PAN3: variants seen among roughly 807,000 people sequenced by gnomAD.
The protein encoded by PAN3 is poly(A) specific ribonuclease subunit PAN3, also known as PAN2-PAN3 deadenylation complex subunit PAN3.
PAN3 carries 19 observed loss-of-function variants against 96.2 expected under a neutral mutation model. The observed-to-expected ratio is 0.20, with a 90% CI of 0.14 to 0.29. The LOEUF is 0.29. Among genes scored for constraint, PAN3 ranks in the 10% least tolerant of loss-of-function variants. The probability of loss-of-function intolerance (pLI) is 1.00; values close to 1 mark genes in which losing one functional copy is unlikely to be tolerated. For synonymous variants in PAN3, 433 were observed against 406.6 expected (o/e 1.06, Z -0.78); for missense variants, 882 against 1,108.1 (o/e 0.80, Z 2.90).
At chr13:28,254,576 A>G (rs1884988403) in intron 6 of PAN3, among the ~76,000 whole-genome samples, 1 of 152,184 alleles carries the variant, frequency 6.6e-6, no homozygotes, top group Admixed American at 6.5e-5. Context: ...TAATAGTCTA[A>G]TATAATTTTT....
intron 6 of PAN3, among the ~76,000 whole-genome samples, chr13:28,250,339 G>C (rs1884603923): frequency 6.6e-6 from 1 of 152,042 alleles, no homozygotes; most frequent in South Asian, 2.1e-4. Flanking sequence ...GGGACTACAG[G>C]TGCATACCAT....
intron 1 of PAN3, among the ~76,000 whole-genome samples, chr13:28,165,119 G>C (rs889789751): frequency 1.7e-4 from 26 of 152,144 alleles, no homozygotes; most frequent in African/African-American, 6.0e-4. Flanking sequence ...TGTTGGTCAG[G>C]CTGGTCTCGA....
At chr13:28,276,504 T>C (rs1299563623) in intron 14 of PAN3, among the ~76,000 whole-genome samples, 2 of 152,192 alleles carry the variant, frequency 1.3e-5, no homozygotes, top group Non-Finnish European at 2.9e-5. Flanking sequence ...GCCAGCTGTC[T>C]TTTGAAAATC....
intron 6 of PAN3, among the ~76,000 whole-genome samples, chr13:28,231,836 A>G (rs1170051943): frequency 1.3e-5 from 2 of 152,300 alleles, no homozygotes; most frequent in East Asian, 1.9e-4. Context: ...CAGGAGTTCA[A>G]GGCTGGAGTG....
At chr13:28,217,587 C>G (rs78554721) in intron 5 of PAN3, among the ~76,000 whole-genome samples, 9 of 108,184 alleles carry the variant, frequency 8.3e-5, no homozygotes, top group Non-Finnish European at 1.8e-4. Context: ...TCTCAAAAAA[C>G]AAAAAAAAAA....
At chr13:28,240,417 A>G (rs1883547533) in intron 6 of PAN3, among the ~76,000 whole-genome samples, 1 of 152,202 alleles carries the variant, frequency 6.6e-6, no homozygotes. Context: ...TGTCTGTGTG[A>G]TAACGCATAT....
intron 5 of PAN3, among the ~76,000 whole-genome samples, chr13:28,212,868 G>A (rs1300132382): frequency 1.3e-5 from 2 of 152,136 alleles, no homozygotes; most frequent in Non-Finnish European, 2.9e-5. Context: ...TCCTGATGGG[G>A]CTGATGGGAT....
At chr13:28,139,507 G>T (rs868581060) in intron 1 of PAN3, among the ~76,000 whole-genome samples, 45 of 111,722 alleles carry the variant, frequency 4.0e-4, no homozygotes, top group African/African-American at 2.2e-3. Flanking sequence ...AGTGGGGAGG[G>T]GTGTGTTTGT....
chr13:28,294,299 G>C lies in PAN3; in HGVS notation c.*1777G>C, dbSNP rs1870093843. 1 of 152,566 alleles carries C rather than the reference G, an allele frequency of 6.6e-6. No individual in the cohort carries two copies. The allele number at this position is 152,566 out of a possible 1,614,324, so 9.5% of individuals were successfully genotyped here. On this transcript the variant is annotated 3_prime_UTR_variant, in exon 19 of 19. Coordinates refer to ENST00000380958, the MANE Select transcript of PAN3 (RefSeq NM_175854.8). ...AATGTTCTTTTTTATGTAAAAAGAA[G>C]AACTTGGAGACATTAACATGAAAAA...
At chr13:28,218,310 G>A (rs1297937191) in intron 5 of PAN3, among the ~76,000 whole-genome samples, 7 of 151,920 alleles carry the variant, frequency 4.6e-5, no homozygotes, top group African/African-American at 1.7e-4. Flanking sequence ...TTTGTGTGCT[G>A]TTGTACCTGA....
chr13:28,239,205 A>G (rs1006261947), intron 6 of PAN3, among the ~76,000 whole-genome samples: 16 of 126,068 alleles, frequency 1.3e-4, no homozygotes, highest in East Asian at 2.5e-4. Flanking sequence ...ACACACGCAC[A>G]CACACACACA....
chr13:28,263,310 A>G (rs1258602015), intron 9 of PAN3, among the ~76,000 whole-genome samples: 1 of 152,178 alleles, frequency 6.6e-6, no homozygotes, highest in African/African-American at 2.4e-5. Context: ...AAAGCATTGG[A>G]AAAATGTTTT....
At chr13:28,170,781 C>A (rs1336224357) in intron 1 of PAN3, among the ~76,000 whole-genome samples, 1 of 151,824 alleles carries the variant, frequency 6.6e-6, no homozygotes, top group Non-Finnish European at 1.5e-5. Context: ...AGATAAATGA[C>A]GAATGTCTTT....
intron 9 of PAN3, among the ~76,000 whole-genome samples, chr13:28,261,688 G>C (rs1040447383): frequency 6.6e-6 from 1 of 152,074 alleles, no homozygotes; most frequent in Non-Finnish European, 1.5e-5. Context: ...AATTAGCTGG[G>C]AGTGGTGGTG....
chr13:28,191,672 C>G (rs941313304), intron 4 of PAN3, among the ~76,000 whole-genome samples: 11 of 152,238 alleles, frequency 7.2e-5, no homozygotes, highest in Admixed American at 7.2e-4. Flanking sequence ...CACACTGCCA[C>G]AGACCTTCCT....
chr13:28,271,803 AG>A (rs1886645040), intron 13 of PAN3, among the ~76,000 whole-genome samples, 177 bp from the exon 14 acceptor site: 1 of 152,120 alleles, frequency 6.6e-6, no homozygotes, highest in Admixed American at 6.6e-5. Context: ...GATATCTCTG[AG>A]CCTTAATTTT....
chr13:28,272,199 T>C, intron 14 of PAN3, 128 bp downstream of exon 14: 1 of 544,470 alleles, frequency 1.8e-6, no homozygotes, highest in Middle Eastern at 4.4e-4. Flanking sequence ...TATGCAGACT[T>C]TGAACATGTA....
intron 6 of PAN3, among the ~76,000 whole-genome samples, chr13:28,247,968 A>G (rs574100269): frequency 9.2e-5 from 14 of 152,224 alleles, no homozygotes; most frequent in African/African-American, 1.2e-4. Flanking sequence ...TGTCCTTGAT[A>G]TTTTGATAGA....
At chr13:28,237,831 A>G (rs1425813711) in intron 6 of PAN3, among the ~76,000 whole-genome samples, 1 of 152,226 alleles carries the variant, frequency 6.6e-6, no homozygotes, top group Admixed American at 6.5e-5. Flanking sequence ...AACAAAGATT[A>G]TTGCAGAGTC....
Sources: gnomAD v4.1 joint callset for allele counts (sites outside exome capture counted in the v4.1 genomes callset) on GRCh38, gnomAD v4.1.1 for gene constraint, MANE v1.5 for transcripts, NCBI Gene and HGNC (gene_info 2026-07-23, HGNC 2026-07-21) for gene names.